The following SGCZ variants were observed in gnomAD, a reference collection of about 807,000 sequenced individuals.
SGCZ encodes the protein zeta-sarcoglycan.
Under a neutral mutation model 41.3 loss-of-function variants are expected in SGCZ, and 40 were observed. The ratio of observed to expected loss-of-function variants is 0.97; its 90% CI spans 0.75 to 1.26. The LOEUF (loss-of-function observed/expected upper bound fraction) is 1.26. Ranked by LOEUF, SGCZ falls within the 50% of genes most tolerant of loss-of-function variation. The pLI is 0.00. For missense variants in SGCZ, 552 were observed against 369.8 expected (o/e 1.49, Z -4.04); for synonymous variants, 206 against 137.5 (o/e 1.50, Z -3.49).
chr8:14,154,291 C>A (rs1235184188), intron 5 of SGCZ, among the ~76,000 whole-genome samples: 1 of 152,082 alleles, frequency 6.6e-6, no homozygotes, highest in Non-Finnish European at 1.5e-5. Context: ...ATGGCATGAA[C>A]CCAGGAGGCA....
chr8:14,925,248 C>CT (rs542010929), intron 1 of SGCZ, among the ~76,000 whole-genome samples: 40 of 152,292 alleles, frequency 2.6e-4, no homozygotes, highest in African/African-American at 9.4e-4. Context: ...AATATGGTCT[C>CT]TATCACTGTC....
intron 1 of SGCZ, among the ~76,000 whole-genome samples, chr8:15,011,847 T>C (rs1190073170): frequency 2.0e-5 from 3 of 152,212 alleles, no homozygotes; most frequent in African/African-American, 4.8e-5. Flanking sequence ...TGATGGTGGC[T>C]TTTAAAATCA....
rs140225708 is a variant in SGCZ at position 15,164,129 on chromosome 8, G to T, written c.39+73456C>A. On this transcript the variant is annotated intron_variant, in intron 1 of 7. Transcript: ENST00000382080. ...CACCATTCAAATTGTCAGCAAGCCTGAATTTTCATGGCCATGGGACAAAGA... is the reference window on the plus strand; with the variant it reads ...CACCATTCAAATTGTCAGCAAGCCTTAATTTTCATGGCCATGGGACAAAGA... Among the ~76,000 whole-genome samples, 1,042 of 152,300 alleles carry T rather than the reference G, an allele frequency of 6.8e-3. 8 individuals carry two copies. The highest frequency in any genetic ancestry group is 0.022 in the African/African-American group (907 of 41,552).
In SGCZ at chr8:14,552,743, A is replaced by C. The variant is rs1402137889; in HGVS notation, c.234+1989T>G. ...GGATGGCTTATCCAGCCTTGGTGTC[A>C]GCATGGGGCAAAGTATTGGGAGTCT... On this transcript the variant is annotated intron_variant, in intron 2 of 7. Coordinates refer to ENST00000382080, the MANE Select transcript of SGCZ (RefSeq NM_139167.4). Among the ~76,000 whole-genome samples the C allele has an allele frequency of 2.0e-5, 3 of 152,164 alleles. No homozygotes were observed. In the East Asian group the frequency reaches 5.8e-4, roughly 30 times the overall value.
intron 3 of SGCZ, among the ~76,000 whole-genome samples, chr8:14,259,151 T>C (rs1014523848): frequency 3.3e-5 from 5 of 152,212 alleles, no homozygotes; most frequent in Non-Finnish European, 7.3e-5. Flanking sequence ...GCAAATGCAA[T>C]TTTCAATTTG....
chr8:14,220,392 A>T (rs546230093), intron 4 of SGCZ, among the ~76,000 whole-genome samples: 18 of 152,280 alleles, frequency 1.2e-4, no homozygotes, highest in African/African-American at 3.9e-4. Context: ...TCAAAAATCA[A>T]ATAATGGTTT....
intron 1 of SGCZ, among the ~76,000 whole-genome samples, chr8:14,908,237 C>G (rs1297476056): frequency 1.3e-5 from 2 of 151,964 alleles, no homozygotes; most frequent in Non-Finnish European, 2.9e-5. Context: ...TCTAAATTAC[C>G]TCAATTGGTC....
chr8:14,322,168 A>G (rs1025992158), intron 3 of SGCZ, among the ~76,000 whole-genome samples: 1 of 152,156 alleles, frequency 6.6e-6, no homozygotes, highest in Admixed American at 6.6e-5. Flanking sequence ...AGAATTTTCC[A>G]AGAAGTGTAT....
intron 3 of SGCZ, among the ~76,000 whole-genome samples, chr8:14,276,545 A>G (rs1445084425): frequency 6.6e-6 from 1 of 152,116 alleles, no homozygotes; most frequent in Non-Finnish European, 1.5e-5. Flanking sequence ...CATCTTTTTT[A>G]TCACTGGACT....
intron 1 of SGCZ, among the ~76,000 whole-genome samples, chr8:14,983,950 C>A (rs550771939): frequency 5.6e-4 from 85 of 152,204 alleles, no homozygotes; most frequent in South Asian, 2.7e-3. Flanking sequence ...GTTGTTTCAA[C>A]CAATACTCGC....
At chr8:14,535,647 A>G (rs910525707) in intron 2 of SGCZ, among the ~76,000 whole-genome samples, 2 of 151,954 alleles carry the variant, frequency 1.3e-5, no homozygotes. Context: ...TTAGATTTAC[A>G]TAAGTCACTT....
At chr8:15,227,718 G>A (rs929034113) in intron 1 of SGCZ, among the ~76,000 whole-genome samples, 1 of 152,164 alleles carries the variant, frequency 6.6e-6, no homozygotes, top group Admixed American at 6.5e-5. Flanking sequence ...GATTTCAATT[G>A]TTTGGATTTT....
intron 1 of SGCZ, among the ~76,000 whole-genome samples, chr8:15,159,956 A>G (rs974322678): frequency 5.9e-5 from 9 of 151,926 alleles, no homozygotes; most frequent in African/African-American, 2.2e-4. Context: ...TGTTCATTAT[A>G]GACGAGTAGG....
At chr8:14,519,085 AG>A (rs144900476) in intron 2 of SGCZ, among the ~76,000 whole-genome samples, 64 of 150,994 alleles carry the variant, frequency 4.2e-4, no homozygotes, top group African/African-American at 1.5e-3. Flanking sequence ...AAAAAAAAAA[AG>A]ACAGAGATAT....
intron 3 of SGCZ, among the ~76,000 whole-genome samples, chr8:14,323,702 G>A (rs571855229): frequency 4.6e-5 from 7 of 152,192 alleles, no homozygotes; most frequent in East Asian, 1.9e-4. Context: ...TTTAGAAAAT[G>A]CATGTCTATT....
At chr8:15,190,920 C>T (rs1585657074) in intron 1 of SGCZ, among the ~76,000 whole-genome samples, 1 of 152,144 alleles carries the variant, frequency 6.6e-6, no homozygotes, top group South Asian at 2.1e-4. Context: ...TTTTAAGTGA[C>T]TTAGAAATAA....
chr8:14,459,502 C>G lies in SGCZ; in HGVS notation c.234+95230G>C, dbSNP rs557500951. Among the ~76,000 whole-genome samples the G allele has an allele frequency of 3.3e-4, 50 of 152,150 alleles. 1 individual carries two copies. The highest frequency in any genetic ancestry group is 1.2e-3 in the African/African-American group (48 of 41,532). On this transcript the variant is annotated intron_variant, in intron 2 of 7. Coordinates refer to ENST00000382080, the MANE Select transcript of SGCZ (RefSeq NM_139167.4). The stretch of plus-strand genomic sequence containing the variant: ...GAAGGGAGATACGAAAATCAAGTAT[C>G]GTTAATGCAGGCAAGATCTATTGAT...
chr8:14,743,566 C>T (rs993978185), intron 1 of SGCZ, among the ~76,000 whole-genome samples: 1 of 151,816 alleles, frequency 6.6e-6, no homozygotes, highest in African/African-American at 2.4e-5. Context: ...GAATAAAATA[C>T]TTAAGTTTAC....
chr8:14,371,351 T>G (rs1803902297), intron 2 of SGCZ, among the ~76,000 whole-genome samples: 1 of 152,034 alleles, frequency 6.6e-6, no homozygotes, highest in African/African-American at 2.4e-5. Context: ...AATGACAACA[T>G]TTTCTGGTAT....
Sources: allele counts gnomAD v4.1 joint callset (sites outside exome capture counted in the v4.1 genomes callset), GRCh38; gene constraint gnomAD v4.1.1; transcripts MANE v1.5; gene names NCBI Gene and HGNC (gene_info 2026-07-23, HGNC 2026-07-21).